PPM1L: variants seen among roughly 807,000 people sequenced by gnomAD.
PPM1L encodes protein phosphatase, Mg2+/Mn2+ dependent 1L.
Under a neutral mutation model 31.4 loss-of-function variants are expected in PPM1L, and 13 were observed. The observed-to-expected ratio is 0.41, with a 90% CI of 0.27 to 0.66. The LOEUF (loss-of-function observed/expected upper bound fraction) is 0.66. PPM1L is among the 30% of genes least tolerant of loss of function. The pLI is 0.29. For missense variants in PPM1L, 326 were observed against 453.7 expected, an observed-to-expected ratio of 0.72 and a Z score of 2.56; for synonymous variants, 184 against 175.4, an observed-to-expected ratio of 1.05 and a Z score of -0.39.
chr3:160,917,722 T>TA lies in PPM1L; in HGVS notation c.400-44006dup, dbSNP rs755113382. On this transcript the variant is annotated intron_variant, in intron 1 of 3. Transcript: ENST00000498165. Reference sequence around the variant, plus strand: ...ATTAGAGAAGGAGAGAATCATATTTTAAAAAAAACATGATTTCAAAGGAAG... The same window carrying TA: ...ATTAGAGAAGGAGAGAATCATATTTTAAAAAAAAACATGATTTCAAAGGAAG... 2.5e-3 allele frequency among the ~76,000 whole-genome samples: 383 copies of TA among 151,880 alleles called. 1 individual carries two copies. The highest frequency in any genetic ancestry group is 7.0e-3 in the African/African-American group (288 of 41,402).
At position 160,796,697 on chromosome 3, in the gene PPM1L, C is replaced by A. The variant is rs543487744; in HGVS notation, c.399+39990C>A. On this transcript the variant is annotated intron_variant, in intron 1 of 3. Transcript: ENST00000498165. ...ATCTGCATTTAAATTTGATTCTCCC[C>A]TTTACTAGCTTTCTCCTGGCTTCTC... 2.0e-5 allele frequency among the ~76,000 whole-genome samples: 3 copies of A among 152,312 alleles called. No homozygotes were observed. In the East Asian group the frequency reaches 5.8e-4, roughly 29 times the overall value.
At chr3:160,779,611 C>T (rs769550502) in intron 1 of PPM1L, among the ~76,000 whole-genome samples, 7 of 152,068 alleles carry the variant, frequency 4.6e-5, no homozygotes, top group Non-Finnish European at 7.4e-5. Context: ...CAACCTCTGC[C>T]TCCTGGGTTC....
At chr3:160,974,985 C>T (rs1716513952) in intron 2 of PPM1L, among the ~76,000 whole-genome samples, 1 of 152,118 alleles carries the variant, frequency 6.6e-6, no homozygotes, top group African/African-American at 2.4e-5. Context: ...AGATTTTCTT[C>T]TAGGGTTTTT....
intron 1 of PPM1L, among the ~76,000 whole-genome samples, chr3:160,898,795 C>T (rs1173623192): frequency 6.6e-6 from 1 of 152,110 alleles, no homozygotes; most frequent in Non-Finnish European, 1.5e-5. Flanking sequence ...TGTCAGGCTC[C>T]CTGCTCAACG....
chr3:161,048,274 T>G (rs1719148089), intron 2 of PPM1L, among the ~76,000 whole-genome samples: 1 of 152,168 alleles, frequency 6.6e-6, no homozygotes, highest in Admixed American at 6.5e-5. Flanking sequence ...GTGAAAGATA[T>G]GAACAGACAC....
chr3:161,046,871 C>T (rs1258141189), intron 2 of PPM1L, among the ~76,000 whole-genome samples: 4 of 152,096 alleles, frequency 2.6e-5, no homozygotes. Flanking sequence ...CAGAAAAGGC[C>T]TTTGACAAAA....
intron 1 of PPM1L, among the ~76,000 whole-genome samples, chr3:160,881,635 G>A (rs1373131502): frequency 6.6e-6 from 1 of 151,966 alleles, no homozygotes; most frequent in African/African-American, 2.4e-5. Flanking sequence ...ATTCTCCCTG[G>A]TGTTTTAAAA....
chr3:160,804,609 A>G (rs1487621975), intron 1 of PPM1L, among the ~76,000 whole-genome samples: 2 of 152,166 alleles, frequency 1.3e-5, no homozygotes, highest in African/African-American at 2.4e-5. Context: ...ATTCCTTACC[A>G]TTGCTCATTT....
intron 1 of PPM1L, among the ~76,000 whole-genome samples, chr3:160,875,392 A>G (rs1712470571): frequency 6.6e-6 from 1 of 152,226 alleles, no homozygotes; most frequent in Non-Finnish European, 1.5e-5. Flanking sequence ...GAATATTTAT[A>G]GTTGTGTGAC....
At position 161,072,690 on chromosome 3, in the gene PPM1L, T is replaced by C. The variant is rs1327978730; in HGVS notation, c.*3533T>C. 2 of 152,212 alleles carry C rather than the reference T, an allele frequency of 1.3e-5. No individual in the cohort carries two copies. Among genetic ancestry groups the C allele is most frequent in the Non-Finnish European group, 2.9e-5 (2 of 68,038 alleles). 9.4% of individuals were successfully genotyped at this position (152,212 alleles called of 1,614,324 possible). A position where few individuals can be genotyped will look rare whatever the true frequency, so the allele number is the denominator to read the frequency against. ...ACCTAGTAACATTGCAAGGAACTTG[T>C]GTATCAAGGTGTATCTTGATTATCC... On this transcript the variant is annotated 3_prime_UTR_variant, in exon 4 of 4. Transcript: ENST00000498165.
intron 1 of PPM1L, among the ~76,000 whole-genome samples, chr3:160,914,852 G>A (rs574134978): frequency 2.6e-5 from 4 of 152,180 alleles, no homozygotes; most frequent in African/African-American, 9.6e-5. Context: ...CTAGATCCCT[G>A]AGGAATTGCC....
intron 2 of PPM1L, among the ~76,000 whole-genome samples, chr3:161,059,932 C>A (rs571911113): frequency 6.6e-6 from 1 of 152,092 alleles, no homozygotes; most frequent in African/African-American, 2.4e-5. Flanking sequence ...TCCCCAGAAG[C>A]AGAAGCCACT....
intron 2 of PPM1L, 71 bp from the exon 3 acceptor site, chr3:161,065,332 T>A: frequency 6.8e-7 from 1 of 1,477,380 alleles, no homozygotes; most frequent in Middle Eastern, 1.9e-4. Context: ...AAGAATCCAG[T>A]TACCACAAGA....
At chr3:160,870,650 C>T (rs1312572294) in intron 1 of PPM1L, 1 of 152,124 alleles carries the variant, frequency 6.6e-6, no homozygotes. Context: ...TTGGCAGGTA[C>T]TGGTGGCTTT....
intron 1 of PPM1L, among the ~76,000 whole-genome samples, chr3:160,890,596 T>C (rs1053900817): frequency 1.3e-5 from 2 of 152,122 alleles, no homozygotes; most frequent in Non-Finnish European, 2.9e-5. Context: ...CAAACTACCA[T>C]TGACATTCTT....
At chr3:160,959,234 G>T (rs763093443) in intron 1 of PPM1L, among the ~76,000 whole-genome samples, 1 of 151,420 alleles carries the variant, frequency 6.6e-6, no homozygotes, top group Non-Finnish European at 1.5e-5. Context: ...ACTTATAAGC[G>T]AGAGCTAAGC....
intron 2 of PPM1L, among the ~76,000 whole-genome samples, chr3:160,970,109 G>A (rs1716273273): frequency 6.6e-6 from 1 of 152,088 alleles, no homozygotes; most frequent in Non-Finnish European, 1.5e-5. Flanking sequence ...TCTATTGAGT[G>A]GATATACCAC....
chr3:160,915,084 A>C (rs1223120970), intron 1 of PPM1L, among the ~76,000 whole-genome samples: 4 of 152,186 alleles, frequency 2.6e-5, no homozygotes, highest in Admixed American at 6.5e-5. Context: ...AAGGAAATAA[A>C]GGGTATTCAA....
At chr3:160,944,215 C>G (rs967308890) in intron 1 of PPM1L, among the ~76,000 whole-genome samples, 3 of 151,896 alleles carry the variant, frequency 2.0e-5, no homozygotes, top group Non-Finnish European at 1.5e-5. Flanking sequence ...TTTAGTATGT[C>G]CCTGCCAACC....
Sources: gnomAD v4.1 joint callset for allele counts (sites outside exome capture counted in the v4.1 genomes callset) on GRCh38, gnomAD v4.1.1 for gene constraint, MANE v1.5 for transcripts, NCBI Gene and HGNC (gene_info 2026-07-23, HGNC 2026-07-21) for gene names.